Variants in NDUFAF2 observed in about 807,000 individuals in gnomAD.
The protein encoded by NDUFAF2 is NADH:ubiquinone oxidoreductase complex assembly factor 2.
In NDUFAF2, 13 loss-of-function variants were observed where a neutral mutation model predicts 22.8. The observed-to-expected ratio is 0.57, with a 90% CI of 0.37 to 0.91. NDUFAF2 has a LOEUF of 0.91. NDUFAF2 is among the 40% of genes least tolerant of loss of function. NDUFAF2 has a pLI of 0.01. For missense variants in NDUFAF2, 162 were observed against 195.2 expected, an observed-to-expected ratio of 0.83 and a Z score of 1.01; for synonymous variants, 53 against 64.2, an observed-to-expected ratio of 0.83 and a Z score of 0.84.
intron 1 of NDUFAF2, among the ~76,000 whole-genome samples, chr5:61,066,892 A>G (rs1752234590): frequency 1.3e-5 from 2 of 152,136 alleles, no homozygotes; most frequent in Non-Finnish European, 2.9e-5. Context: ...CTGATTGTAT[A>G]CAGAGACCAG....
At chr5:61,032,928 C>G (rs1289654574) in intron 1 of NDUFAF2, among the ~76,000 whole-genome samples, 1 of 152,146 alleles carries the variant, frequency 6.6e-6, no homozygotes, top group Non-Finnish European at 1.5e-5. Flanking sequence ...CTCCCACCAA[C>G]AGTGTAAAAG....
rs573225761 is a variant in NDUFAF2, at chr5:61,064,662, A to C, written c.128-8463A>C. On this transcript the variant is annotated intron_variant, in intron 1 of 3. Transcript: ENST00000296597. The stretch of plus-strand genomic sequence containing the variant: ...GGTCAAAGAATAAATCAAAAGAGAA[A>C]TTTCTAAAATGTCTTGAGACAAATG... Among the ~76,000 whole-genome samples, 8 of 152,250 alleles carry C rather than the reference A, an allele frequency of 5.3e-5. No individual in the cohort carries two copies. In the South Asian group the frequency reaches 1.7e-3, roughly 32 times the overall value.
At chr5:61,076,459 C>A (rs1032626549) in intron 2 of NDUFAF2, among the ~76,000 whole-genome samples, 1 of 152,180 alleles carries the variant, frequency 6.6e-6, no homozygotes, top group South Asian at 2.1e-4. Flanking sequence ...ATGCAGCTAA[C>A]CAGCTGAAGA....
At chr5:61,088,518 G>C (rs2067602461) in intron 2 of NDUFAF2, among the ~76,000 whole-genome samples, 1 of 152,008 alleles carries the variant, frequency 6.6e-6, no homozygotes, top group Non-Finnish European at 1.5e-5. Context: ...TGTTGATTGT[G>C]GTGCTAATTA....
intron 3 of NDUFAF2, among the ~76,000 whole-genome samples, chr5:61,101,727 A>G (rs540088912): frequency 6.6e-6 from 1 of 152,312 alleles, no homozygotes; most frequent in South Asian, 2.1e-4. Flanking sequence ...GTCATTTACA[A>G]CAGTATTAGA....
At chr5:61,133,481 A>T (rs988185099) in intron 3 of NDUFAF2, among the ~76,000 whole-genome samples, 2 of 152,188 alleles carry the variant, frequency 1.3e-5, no homozygotes, top group African/African-American at 4.8e-5. Context: ...TACCACATTG[A>T]TGTTTTTAAA....
At chr5:61,105,456 A>T (rs1233091426) in intron 3 of NDUFAF2, among the ~76,000 whole-genome samples, 7 of 150,860 alleles carry the variant, frequency 4.6e-5, no homozygotes, top group African/African-American at 1.7e-4. Context: ...CCCACTCCTC[A>T]CCCCAAACTT....
chr5:61,058,590 A>G (rs2111711029), intron 1 of NDUFAF2, among the ~76,000 whole-genome samples: 1 of 152,072 alleles, frequency 6.6e-6, no homozygotes, highest in Admixed American at 6.5e-5. Flanking sequence ...AAAAATTTTC[A>G]TCCCCGCCTT....
At chr5:61,145,227 A>G (rs957082933) in intron 3 of NDUFAF2, among the ~76,000 whole-genome samples, 1 of 152,214 alleles carries the variant, frequency 6.6e-6, no homozygotes, top group Non-Finnish European at 1.5e-5. Flanking sequence ...AAGTAACAGC[A>G]TTGGAAAGGA....
At chr5:61,067,570 T>C (rs1484463945) in intron 1 of NDUFAF2, among the ~76,000 whole-genome samples, 5 of 152,160 alleles carry the variant, frequency 3.3e-5, no homozygotes, top group African/African-American at 7.2e-5. Flanking sequence ...TGATGGATAT[T>C]TGGGTTGGTT....
At position 60,945,222 on chromosome 5, in the gene NDUFAF2, C is replaced by A. The variant is rs199591129; in HGVS notation, c.-34C>A. 1 of 1,608,660 alleles carries A rather than the reference C, an allele frequency of 6.2e-7. No homozygotes were observed. The highest frequency in any genetic ancestry group is 1.3e-5 in the African/African-American group (1 of 74,796). On this transcript the variant is annotated 5_prime_UTR_variant, in exon 1 of 4. Transcript: ENST00000296597. ...GGAGCATTACCCCTACTGCGGGTCC[C>A]GCTGCTGGCAGCGCTGGAAACTGGG... is the stretch of plus-strand genomic sequence containing the variant.
intron 1 of NDUFAF2, among the ~76,000 whole-genome samples, chr5:61,016,530 A>T (rs1751513503): frequency 6.6e-6 from 1 of 152,232 alleles, no homozygotes; most frequent in Middle Eastern, 3.4e-3. Flanking sequence ...GTCAATAGGG[A>T]ATTTGAAGCT....
intron 1 of NDUFAF2, among the ~76,000 whole-genome samples, chr5:60,945,787 G>C (rs898423199): frequency 6.6e-6 from 1 of 152,228 alleles, no homozygotes; most frequent in Non-Finnish European, 1.5e-5. Context: ...GCCAGGGGAG[G>C]GGTTTTTCGT....
chr5:61,068,120 G>T (rs978532612), intron 1 of NDUFAF2, among the ~76,000 whole-genome samples: 3 of 151,950 alleles, frequency 2.0e-5, no homozygotes, highest in Non-Finnish European at 4.4e-5. Context: ...AGAATGTATG[G>T]ATCACTATAC....
chr5:61,030,363 T>C (rs1485860168), intron 1 of NDUFAF2, among the ~76,000 whole-genome samples: 2 of 152,092 alleles, frequency 1.3e-5, no homozygotes, highest in African/African-American at 4.8e-5. Context: ...GGTTACATTA[T>C]ACAGACCATC....
chr5:61,020,340 T>A (rs1252128505), intron 1 of NDUFAF2, among the ~76,000 whole-genome samples: 1 of 152,182 alleles, frequency 6.6e-6, no homozygotes. Context: ...TCTGATTTCT[T>A]GAATTAAATT....
At chr5:61,040,516 A>T (rs1340855532) in intron 1 of NDUFAF2, among the ~76,000 whole-genome samples, 1 of 152,074 alleles carries the variant, frequency 6.6e-6, no homozygotes, top group African/African-American at 2.4e-5. Context: ...TAGGAAACCA[A>T]AATAGTCAGT....
chr5:61,045,904 A>G (rs1751948598), intron 1 of NDUFAF2, among the ~76,000 whole-genome samples: 1 of 152,162 alleles, frequency 6.6e-6, no homozygotes, highest in Non-Finnish European at 1.5e-5. Context: ...TCCAGATCTT[A>G]GAGGAAAAGC....
chr5:61,073,248 G>C (rs201832308), intron 2 of NDUFAF2, 34 bp downstream of exon 2: 1 of 1,443,226 alleles, frequency 6.9e-7, no homozygotes, highest in Non-Finnish European at 9.8e-7. Flanking sequence ...TCTCATGGGA[G>C]GTAAGTTATA....
Sources: gnomAD v4.1 joint callset for allele counts (sites outside exome capture counted in the v4.1 genomes callset) on GRCh38, gnomAD v4.1.1 for gene constraint, MANE v1.5 for transcripts, NCBI Gene and HGNC (gene_info 2026-07-23, HGNC 2026-07-21) for gene names.